The following LGR6 variants were observed in gnomAD, a reference collection of about 807,000 sequenced individuals.
LGR6 encodes leucine-rich repeat-containing G protein-coupled receptor 6.
Under a neutral mutation model 69.4 loss-of-function variants are expected in LGR6, and 45 were observed. That is an observed-to-expected ratio of 0.65 (90% CI 0.51 to 0.83). The LOEUF (loss-of-function observed/expected upper bound fraction) is 0.83, where lower values mean the gene tolerates loss of function less well. LGR6 is among the 40% of genes least tolerant of loss of function. LGR6 has a pLI of 0.00. For missense variants in LGR6, 1,108 were observed against 1,246.7 expected (o/e 0.89, Z 1.68); for synonymous variants, 538 against 555.0 (o/e 0.97, Z 0.43).
intron 1 of LGR6, among the ~76,000 whole-genome samples, chr1:202,200,428 C>G (rs954022612): frequency 2.0e-5 from 3 of 152,154 alleles, no homozygotes; most frequent in African/African-American, 7.2e-5. Flanking sequence ...CCGTGAGGAT[C>G]CTCCTCTGAG....
At chr1:202,247,190 G>A (rs1662780832) in intron 4 of LGR6, among the ~76,000 whole-genome samples, 1 of 152,224 alleles carries the variant, frequency 6.6e-6, no homozygotes, top group Admixed American at 6.5e-5. Context: ...AGCTAGGTTT[G>A]GGAGCCACTG....
chr1:202,314,933 C>T (rs775546246), intron 17 of LGR6, 51 bp downstream of exon 17: 3 of 1,335,382 alleles, frequency 2.2e-6, no homozygotes, highest in Non-Finnish European at 3.2e-6. Flanking sequence ...GAAAGGGCAC[C>T]CAACCACCTA....
At position 202,318,914 on chromosome 1, in the gene LGR6, G is replaced by A. The variant is rs1241139877; in HGVS notation, c.2611G>A (p.Val871Ile). The change falls in exon 18 of 18, where the codon GTA (valine) becomes ATA (isoleucine). Residue 871 changes from valine (V) to isoleucine (I), a missense_variant. Transcript: ENST00000367278. Reference sequence around the variant, plus strand: ...CTCCTGTGATTCTACCCAGGCCCTGGTAGCCTTCTCTGATGTGGATCTCAT... The same window carrying A: ...CTCCTGTGATTCTACCCAGGCCCTGATAGCCTTCTCTGATGTGGATCTCAT... ...KSSCDSTQALVAFSDVDLILE... is the reference protein window; with the variant it reads ...KSSCDSTQALIAFSDVDLILE... 2 of 1,614,020 alleles carry A rather than the reference G, an allele frequency of 1.2e-6. No homozygotes were observed. Among genetic ancestry groups the A allele is most frequent in the Non-Finnish European group, 1.7e-6 (2 of 1,180,000 alleles).
intron 4 of LGR6, among the ~76,000 whole-genome samples, chr1:202,251,396 G>A (rs771307423): frequency 2.6e-5 from 4 of 152,230 alleles, no homozygotes; most frequent in Admixed American, 6.5e-5. Context: ...CTATGTCCCT[G>A]CAGCCCCTGA....
At chr1:202,267,536 C>T (rs1359361579) in intron 4 of LGR6, among the ~76,000 whole-genome samples, 1 of 152,060 alleles carries the variant, frequency 6.6e-6, no homozygotes, top group Non-Finnish European at 1.5e-5. Context: ...TATCAATAAG[C>T]CTGAATTGAG....
intron 9 of LGR6, among the ~76,000 whole-genome samples, chr1:202,302,366 C>T (rs1047983896): frequency 6.6e-6 from 1 of 152,134 alleles, no homozygotes; most frequent in African/African-American, 2.4e-5. Context: ...CCTTTAATTT[C>T]AGATTCTGGG....
Position 202,319,262 on chromosome 1 carries a change from G to A in LGR6, c.*55G>A, listed in dbSNP as rs1558095239. ...TCTTCCCTTTCCTCTCTCCCCCTCG[G>A]TGAATGATGGCTGCTTCTAAAACAA... On this transcript the variant is annotated 3_prime_UTR_variant, in exon 18 of 18. Coordinates refer to ENST00000367278, the MANE Select transcript of LGR6 (RefSeq NM_001017403.2). The A allele has an allele frequency of 6.8e-7, 1 of 1,478,772 alleles. No individual in the cohort carries two copies. Among genetic ancestry groups the A allele is most frequent in the East Asian group, 2.4e-5 (1 of 42,510 alleles). The allele number at this position is 1,478,772 out of a possible 1,614,324, so 91.6% of individuals were successfully genotyped here. A position where few individuals can be genotyped will look rare whatever the true frequency, so the allele number is the denominator to read the frequency against.
intron 6 of LGR6, among the ~76,000 whole-genome samples, chr1:202,291,311 A>C (rs1469249521): frequency 6.6e-6 from 1 of 152,168 alleles, no homozygotes; most frequent in Non-Finnish European, 1.5e-5. Context: ...GCTGTTAAAG[A>C]TAATAGTCTA....
chr1:202,248,725 C>A (rs376165818), intron 4 of LGR6, among the ~76,000 whole-genome samples: 15 of 152,176 alleles, frequency 9.9e-5, no homozygotes, highest in Admixed American at 3.3e-4. Flanking sequence ...CATTGCTGTC[C>A]CCTCGCAAAG....
chr1:202,270,247 GT>G (rs56357341), intron 4 of LGR6, among the ~76,000 whole-genome samples: 88 of 144,572 alleles, frequency 6.1e-4, no homozygotes, highest in Non-Finnish European at 6.1e-4. Context: ...TTTTGCTTTT[GT>G]TTTTTTTTTT....
At chr1:202,252,396 A>G (rs1663340201) in intron 4 of LGR6, among the ~76,000 whole-genome samples, 2 of 152,110 alleles carry the variant, frequency 1.3e-5, no homozygotes, top group Non-Finnish European at 2.9e-5. Context: ...GCTGGGGAAC[A>G]CTAAATACCA....
intron 4 of LGR6, among the ~76,000 whole-genome samples, chr1:202,274,461 A>G (rs1162734258): frequency 2.0e-5 from 3 of 152,192 alleles, no homozygotes; most frequent in African/African-American, 7.2e-5. Flanking sequence ...ACAGCAGGAA[A>G]TGGCTTTCTA....
rs1654447241 is a variant in LGR6, at chr1:202,319,284, A to G, written c.*77A>G. 1.4e-6 allele frequency: 2 copies of G among 1,418,094 alleles called. No individual in the cohort carries two copies. The highest frequency in any genetic ancestry group is 2.9e-5 in the African/African-American group (2 of 69,402). 87.8% of individuals were successfully genotyped at this position (1,418,094 alleles called of 1,614,324 possible). ...TCGGTGAATGATGGCTGCTTCTAAA[A>G]CAAATACAACCAAAACTCAGCAGTG... On this transcript the variant is annotated 3_prime_UTR_variant, in exon 18 of 18. Coordinates refer to ENST00000367278, the MANE Select transcript of LGR6 (RefSeq NM_001017403.2).
chr1:202,317,827 G>A (rs1389982885), intron 17 of LGR6, 125 bp from the exon 18 acceptor site: 12 of 999,928 alleles, frequency 1.2e-5, no homozygotes, highest in Admixed American at 1.1e-4. Flanking sequence ...GGAGTTTTCC[G>A]AGGGCAAGGG....
chr1:202,215,189 C>T (rs557856085), intron 1 of LGR6, among the ~76,000 whole-genome samples: 9 of 152,262 alleles, frequency 5.9e-5, no homozygotes, highest in Non-Finnish European at 8.8e-5. Context: ...CACACCCTGC[C>T]TGTTTATCCA....
At chr1:202,260,252 T>C (rs1664120099) in intron 4 of LGR6, among the ~76,000 whole-genome samples, 1 of 152,038 alleles carries the variant, frequency 6.6e-6, no homozygotes, top group African/African-American at 2.4e-5. Context: ...TTGGCCAGAC[T>C]GATTTCGAAC....
At chr1:202,308,313 T>G (rs1243558597) in intron 14 of LGR6, among the ~76,000 whole-genome samples, 1 of 152,186 alleles carries the variant, frequency 6.6e-6, no homozygotes, top group African/African-American at 2.4e-5. Context: ...GTGGATATTT[T>G]TATCCCTTTG....
At chr1:202,201,279 C>T (rs1658825794) in intron 1 of LGR6, among the ~76,000 whole-genome samples, 1 of 152,200 alleles carries the variant, frequency 6.6e-6, no homozygotes, top group Non-Finnish European at 1.5e-5. Flanking sequence ...ATTCTTGGGA[C>T]CCAGTCTTGA....
At chr1:202,299,755 G>C (rs1667442889) in intron 7 of LGR6, among the ~76,000 whole-genome samples, 1 of 152,210 alleles carries the variant, frequency 6.6e-6, no homozygotes, top group Admixed American at 6.5e-5. Context: ...AGTCACGATG[G>C]GGATGGCAGG....
Sources: allele counts gnomAD v4.1 joint callset (sites outside exome capture counted in the v4.1 genomes callset), GRCh38; gene constraint gnomAD v4.1.1; transcripts MANE v1.5; gene names NCBI Gene and HGNC (gene_info 2026-07-23, HGNC 2026-07-21).